The following C14orf39 variants were observed in gnomAD, a reference collection of about 807,000 sequenced individuals.
The protein encoded by C14orf39 is protein SIX6OS1.
Under a neutral mutation model 85.6 loss-of-function variants are expected in C14orf39, and 66 were observed. The observed-to-expected ratio is 0.77, with a 90% CI of 0.63 to 0.95. The LOEUF (loss-of-function observed/expected upper bound fraction) is 0.95, where lower values mean the gene tolerates loss of function less well. Among genes scored for constraint, C14orf39 ranks in the 40% least tolerant of loss-of-function variants. The pLI is 0.00. For missense variants in C14orf39, 735 were observed against 663.9 expected, an observed-to-expected ratio of 1.11 and a Z score of -1.18; for synonymous variants, 242 against 214.0, an observed-to-expected ratio of 1.13 and a Z score of -1.14.
chr14:60,450,775 C>T (rs1890994732), intron 16 of C14orf39, among the ~76,000 whole-genome samples: 1 of 152,166 alleles, frequency 6.6e-6, no homozygotes, highest in Non-Finnish European at 1.5e-5. Context: ...CCACACCTCC[C>T]CCCACTCCAG....
In C14orf39 at chr14:60,511,297, G is replaced by A. The variant is rs750273983; in HGVS notation, c.-144+4098C>T. On this transcript the variant is annotated intron_variant, in intron 1 of 5. Coordinates refer to the C14orf39 transcript ENST00000556799. ...CAGAAGCAGATTCCAGTGTAAAAAC[G>A]AGAAAAACAAAATGAAAGAGGGGAA... 19 of 1,599,666 alleles carry A rather than the reference G, an allele frequency of 1.2e-5. No homozygotes were observed. In the South Asian group the frequency reaches 2.0e-4, roughly 17 times the overall value.
chr14:60,452,465 TAG>T (rs1465741868), intron 16 of C14orf39, among the ~76,000 whole-genome samples: 2 of 150,594 alleles, frequency 1.3e-5, no homozygotes, highest in Non-Finnish European at 2.9e-5. Context: ...CTCATGGAGA[TAG>T]AGAGTAGAAA....
intron 2 of C14orf39, chr14:60,494,214 A>T (rs1238607179): frequency 2.9e-5 from 7 of 241,536 alleles, no homozygotes; most frequent in Non-Finnish European, 5.1e-5. Flanking sequence ...AAAAACAAGA[A>T]CATCCATGGT....
intron 16 of C14orf39, among the ~76,000 whole-genome samples, chr14:60,443,846 T>A (rs779003398): frequency 6.6e-6 from 1 of 152,170 alleles, no homozygotes; most frequent in Non-Finnish European, 1.5e-5. Flanking sequence ...GGCAGCAATA[T>A]TTGCTGTTCT....
At chr14:60,494,552 T>G (rs1307102075) in intron 2 of C14orf39, 1 of 152,250 alleles carries the variant, frequency 6.6e-6, no homozygotes, top group African/African-American at 2.4e-5. Context: ...GTATAAATAT[T>G]AACGGGAGAC....
upstream of C14orf39, among the ~76,000 whole-genome samples, chr14:60,487,747 A>G (rs73307428): frequency 0.033 from 4,981 of 152,264 alleles, 279 homozygotes; most frequent in African/African-American, 0.11. Flanking sequence ...TCCCGCAAAG[A>G]GTGTACAACT....
At chr14:60,479,061 A>G (rs1287051023) in intron 4 of C14orf39, among the ~76,000 whole-genome samples, 3 of 152,132 alleles carry the variant, frequency 2.0e-5, no homozygotes, top group Non-Finnish European at 4.4e-5. Context: ...TTCAGATTCA[A>G]AAAGTATACA....
chr14:60,503,349 C>G (rs955249881), intron 1 of C14orf39, among the ~76,000 whole-genome samples: 3 of 152,154 alleles, frequency 2.0e-5, no homozygotes, highest in Non-Finnish European at 4.4e-5. Context: ...CTAGAGTGCA[C>G]CAAACTCTGA....
At chr14:60,476,780 T>C (rs1892398261) in intron 5 of C14orf39, among the ~76,000 whole-genome samples, 1 of 152,200 alleles carries the variant, frequency 6.6e-6, no homozygotes, top group Non-Finnish European at 1.5e-5. Context: ...TGAAGCACAC[T>C]GCACAATTTC....
At chr14:60,506,891 A>G (rs1327747866) in intron 1 of C14orf39, among the ~76,000 whole-genome samples, 4 of 152,172 alleles carry the variant, frequency 2.6e-5, no homozygotes, top group African/African-American at 9.7e-5. Context: ...AAATATTCCC[A>G]TTTCCTGGAT....
intron 16 of C14orf39, among the ~76,000 whole-genome samples, chr14:60,444,095 C>T (rs776435619): frequency 6.6e-6 from 1 of 152,100 alleles, no homozygotes; most frequent in Admixed American, 6.5e-5. Context: ...TGGGGAGAAA[C>T]CAGAGCAGAA....
intron 4 of C14orf39, among the ~76,000 whole-genome samples, chr14:60,480,385 G>A (rs918284513): frequency 3.9e-5 from 6 of 152,052 alleles, no homozygotes; most frequent in East Asian, 3.9e-4. Flanking sequence ...GTGAGATCGC[G>A]CCATTGCACT....
chr14:60,488,025 A>G (rs889246768), upstream of C14orf39, among the ~76,000 whole-genome samples: 1 of 152,142 alleles, frequency 6.6e-6, no homozygotes, highest in East Asian at 1.9e-4. Flanking sequence ...CTCTTATTAC[A>G]TTTGTTTATA....
chr14:60,503,671 T>C lies in C14orf39; in HGVS notation c.-143-4241A>G, dbSNP rs1176872204. Among the ~76,000 whole-genome samples, 11 of 152,160 alleles carry C rather than the reference T, an allele frequency of 7.2e-5. No homozygotes were observed. In the East Asian group the frequency reaches 1.7e-3, roughly 24 times the overall value. ...TGTCCCACTAATTATTCAAAGAACA[T>C]AGATCCTAACAAGATAGAAGCAACC... On this transcript the variant is annotated intron_variant, in intron 1 of 5. Transcript: ENST00000556799.
intron 1 of C14orf39, chr14:60,511,409 C>T: frequency 2.2e-6 from 2 of 893,798 alleles, no homozygotes; most frequent in Non-Finnish European, 3.6e-6. Flanking sequence ...CGCCCCACCC[C>T]GCGGCCGGCC....
chr14:60,492,666 C>T (rs1162231491), intron 2 of C14orf39, among the ~76,000 whole-genome samples: 1 of 151,920 alleles, frequency 6.6e-6, no homozygotes, highest in East Asian at 1.9e-4. Context: ...GCCTGTAGTC[C>T]CAGCTACTCA....
chr14:60,472,057 C>T (rs1379227189), intron 5 of C14orf39, among the ~76,000 whole-genome samples: 1 of 152,032 alleles, frequency 6.6e-6, no homozygotes. Context: ...TTTTAGCACT[C>T]ATCCTAATTG....
At chr14:60,455,751 C>A (rs574119312) in intron 15 of C14orf39, among the ~76,000 whole-genome samples, 6 of 152,144 alleles carry the variant, frequency 3.9e-5, no homozygotes, top group African/African-American at 1.4e-4. Flanking sequence ...GATTCTGTTT[C>A]CTCTTCTGTA....
At chr14:60,494,470 A>G (rs1893037553) in intron 2 of C14orf39, 1 of 153,396 alleles carries the variant, frequency 6.5e-6, no homozygotes, top group Admixed American at 6.5e-5. Context: ...AAAAGGTGTC[A>G]GCCCAAGAAC....
Sources: allele counts gnomAD v4.1 joint callset (sites outside exome capture counted in the v4.1 genomes callset), GRCh38; gene constraint gnomAD v4.1.1; transcripts MANE v1.5; gene names NCBI Gene and HGNC (gene_info 2026-07-23, HGNC 2026-07-21).